ST6GAL1: variants seen among roughly 807,000 people sequenced by gnomAD.
The protein encoded by ST6GAL1 is ST6 beta-galactoside alpha-2,6-sialyltransferase 1.
ST6GAL1 carries 20 observed loss-of-function variants against 38.0 expected under a neutral mutation model. The observed-to-expected ratio is 0.53, with a 90% CI of 0.37 to 0.77. The LOEUF (loss-of-function observed/expected upper bound fraction) is 0.77. Ranked by LOEUF, ST6GAL1 falls within the 30% of genes least tolerant of loss-of-function variation. The probability of loss-of-function intolerance (pLI) is 0.00; values close to 1 mark genes in which losing one functional copy is unlikely to be tolerated. For synonymous variants in ST6GAL1, 196 were observed against 188.2 expected (o/e 1.04, Z -0.34); for missense variants, 432 against 496.4 (o/e 0.87, Z 1.23).
chr3:187,015,622 G>C (rs1717089668), intron 2 of ST6GAL1, among the ~76,000 whole-genome samples: 1 of 152,158 alleles, frequency 6.6e-6, no homozygotes, highest in Non-Finnish European at 1.5e-5. Flanking sequence ...TGGACTGGTT[G>C]AGCCCAGGGG....
chr3:187,002,416 G>A (rs1044161821), intron 2 of ST6GAL1, among the ~76,000 whole-genome samples: 1 of 152,232 alleles, frequency 6.6e-6, no homozygotes, highest in Non-Finnish European at 1.5e-5. Flanking sequence ...AGACCCTTGA[G>A]CACAGCTCAT....
chr3:187,066,801 T>C (rs1266423332), intron 5 of ST6GAL1, among the ~76,000 whole-genome samples: 1 of 152,160 alleles, frequency 6.6e-6, no homozygotes, highest in East Asian at 1.9e-4. Context: ...ATTCTCAGCA[T>C]GAACTCCTCC....
intron 2 of ST6GAL1, among the ~76,000 whole-genome samples, chr3:187,007,940 G>A (rs1378720176): frequency 6.6e-6 from 1 of 151,984 alleles, no homozygotes; most frequent in African/African-American, 2.4e-5. Context: ...GAACCTGAAG[G>A]TAGATCAATA....
At chr3:187,008,805 TTTA>T (rs1716864660) in intron 2 of ST6GAL1, among the ~76,000 whole-genome samples, 2 of 152,228 alleles carry the variant, frequency 1.3e-5, no homozygotes, top group African/African-American at 4.8e-5. Flanking sequence ...ATTTATTTCC[TTTA>T]AGTCTTTTTT....
rs549654910 is a variant in ST6GAL1, at chr3:187,049,367, A to C, written c.608-1882A>C. 2.6e-5 allele frequency among the ~76,000 whole-genome samples: 4 copies of C among 152,226 alleles called. No homozygotes were observed. The South Asian group carries it at 8.3e-4, about 32-fold the overall frequency. On this transcript the variant is annotated intron_variant, in intron 4 of 7. Transcript: ENST00000169298. The stretch of plus-strand genomic sequence containing the variant: ...CAAGCTGTATCTTTCTCTTGACTGA[A>C]GGTCTCAGATCCTGCCAGGAGGCCG...
chr3:186,994,156 A>G (rs1365682232), intron 2 of ST6GAL1, among the ~76,000 whole-genome samples: 1 of 152,150 alleles, frequency 6.6e-6, no homozygotes, highest in African/African-American at 2.4e-5. Context: ...AACTTTTTTA[A>G]AGTGGAGAGA....
At chr3:186,971,723 T>C (rs1715355924) in intron 2 of ST6GAL1, among the ~76,000 whole-genome samples, 1 of 152,220 alleles carries the variant, frequency 6.6e-6, no homozygotes, top group Admixed American at 6.5e-5. Flanking sequence ...GGGAGGATTG[T>C]TTTTGTTCAC....
At chr3:187,013,869 G>A (rs1339899429) in intron 2 of ST6GAL1, among the ~76,000 whole-genome samples, 2 of 152,226 alleles carry the variant, frequency 1.3e-5, no homozygotes, top group East Asian at 1.9e-4. Context: ...ACAGGCATGA[G>A]CCACCGCACC....
intron 2 of ST6GAL1, among the ~76,000 whole-genome samples, chr3:186,988,529 C>T (rs1716035115): frequency 7.5e-6 from 1 of 134,192 alleles, no homozygotes; most frequent in Non-Finnish European, 1.5e-5. Flanking sequence ...GCTCCAAATA[C>T]CAATGGTTAA....
intron 4 of ST6GAL1, among the ~76,000 whole-genome samples, chr3:187,046,496 A>G (rs1044857231): frequency 2.0e-5 from 3 of 152,236 alleles, no homozygotes; most frequent in South Asian, 4.1e-4. Flanking sequence ...AAGAAGACCA[A>G]TTAGAAAATC....
intron 2 of ST6GAL1, among the ~76,000 whole-genome samples, chr3:186,965,985 G>A (rs1280208613): frequency 1.3e-5 from 2 of 152,160 alleles, no homozygotes; most frequent in African/African-American, 4.8e-5. Context: ...TGCAACCTCC[G>A]CCTCCCAGGT....
chr3:186,986,445 A>C (rs544201110), intron 2 of ST6GAL1: 1 of 153,180 alleles, frequency 6.5e-6, no homozygotes, highest in East Asian at 1.9e-4. Context: ...TGTATCAACA[A>C]CAGCAACAAT....
At position 187,075,622 on chromosome 3, in the gene ST6GAL1, A is replaced by G. The variant is rs774789937; in HGVS notation, c.1040A>G (p.Lys347Arg). ...GATATTTATGAGTTCCTCCCATCCAAGCGCAAGACTGACGTGTGCTACTAC... is the reference window on the plus strand; with the variant it reads ...GATATTTATGAGTTCCTCCCATCCAGGCGCAAGACTGACGTGTGCTACTAC... ...QVDIYEFLPSKRKTDVCYYYQ... is the reference protein window; with the variant it reads ...QVDIYEFLPSRRKTDVCYYYQ... The change falls in exon 8 of 8, where the codon AAG becomes AGG. Residue 347 changes from lysine (K) to arginine (R), a missense_variant. Coordinates refer to ENST00000169298, the MANE Select transcript of ST6GAL1 (RefSeq NM_173216.2). The surrounding 1 kb of genome is among the most constrained non-coding windows in gnomAD (Gnocchi z 4.1). The G allele has an allele frequency of 2.5e-6, 4 of 1,614,040 alleles. No homozygotes were observed. In the African/African-American group the frequency reaches 5.3e-5, roughly 22 times the overall value.
At position 187,075,631 on chromosome 3, in the gene ST6GAL1, C is replaced by T. The variant is rs1430159840; in HGVS notation, c.1049C>T (p.Thr350Ile). ...IYEFLPSKRK[T>I]DVCYYYQKFF... is the part of the protein sequence containing the mutation. ...GAGTTCCTCCCATCCAAGCGCAAGA[C>T]TGACGTGTGCTACTACTACCAGAAG... The change falls in exon 8 of 8, where the codon ACT becomes ATT. Residue 350 changes from threonine to isoleucine, a missense_variant. Thr to Ile is a moderately conservative substitution (Grantham distance 89). Transcript: ENST00000169298. This position sits in a 1 kb window ranked among gnomAD's most constrained non-coding sequence, Gnocchi z 4.1. 3 of 1,614,218 alleles carry T rather than the reference C, an allele frequency of 1.9e-6. No individual in the cohort carries two copies. Among genetic ancestry groups the T allele is most frequent in the Non-Finnish European group, 2.5e-6 (3 of 1,180,034 alleles).
chr3:187,075,412 A>T lies in ST6GAL1; in HGVS notation c.980-150A>T. ...GAACACTGCTGGGCTTGGCTTGCTG[A>T]AACTTAGATTGGGAATCACAGTCAT... On this transcript the variant is annotated intron_variant, in intron 7 of 7. Transcript: ENST00000169298. This position sits in a 1 kb window ranked among gnomAD's most constrained non-coding sequence, Gnocchi z 4.1. The T allele has an allele frequency of 8.0e-7, 1 of 1,252,484 alleles. No homozygotes were observed. The allele number at this position is 1,252,484 out of a possible 1,614,324, so 77.6% of individuals were successfully genotyped here.
At chr3:187,017,147 G>T (rs1374730578) in intron 2 of ST6GAL1, among the ~76,000 whole-genome samples, 1 of 152,100 alleles carries the variant, frequency 6.6e-6, no homozygotes, top group Non-Finnish European at 1.5e-5. Context: ...GAGGAGGCTG[G>T]GTTAACTGGG....
intron 5 of ST6GAL1, among the ~76,000 whole-genome samples, chr3:187,061,029 G>A (rs962258493): frequency 2.6e-5 from 4 of 152,074 alleles, no homozygotes; most frequent in East Asian, 1.9e-4. Flanking sequence ...AGCAGGATCC[G>A]AAGTCAACAC....
chr3:186,997,000 G>C (rs796718750), intron 2 of ST6GAL1, among the ~76,000 whole-genome samples: 4 of 152,072 alleles, frequency 2.6e-5, no homozygotes, highest in African/African-American at 7.2e-5. Flanking sequence ...GGTTTGAGGG[G>C]TTCTGTCTGT....
Position 186,969,491 on chromosome 3 carries a change from A to AT in ST6GAL1, c.-183+5572dup, listed in dbSNP as rs547491363. ...ATGGCTCCTCTGGTGAAATGTTTAG[A>AT]TTTTTTTACCCATTTAAAGAAAATT... On this transcript the variant is annotated intron_variant, in intron 2 of 7. Transcript: ENST00000169298. Among the ~76,000 whole-genome samples, 6 of 151,992 alleles carry AT rather than the reference A, an allele frequency of 3.9e-5. No individual in the cohort carries two copies. The South Asian group carries it at 8.3e-4, about 21-fold the overall frequency.
Sources: gnomAD v4.1 joint callset for allele counts (sites outside exome capture counted in the v4.1 genomes callset) on GRCh38, gnomAD v4.1.1 for gene constraint, Gnocchi (gnomAD v3.1) non-coding constraint, MANE v1.5 for transcripts, NCBI Gene and HGNC (gene_info 2026-07-23, HGNC 2026-07-21) for gene names.